The following PHACTR3 variants were observed in gnomAD, a reference collection of about 807,000 sequenced individuals.
The protein encoded by PHACTR3 is phosphatase and actin regulator 3.
In PHACTR3, 16 loss-of-function variants were observed where a neutral mutation model predicts 66.8. The ratio of observed to expected loss-of-function variants is 0.24; its 90% CI spans 0.16 to 0.36. PHACTR3 has a LOEUF of 0.36. Among genes scored for constraint, PHACTR3 ranks in the 10% least tolerant of loss-of-function variants. The probability of loss-of-function intolerance (pLI) is 1.00; values close to 1 mark genes in which losing one functional copy is unlikely to be tolerated. For missense variants in PHACTR3, 647 were observed against 719.9 expected (o/e 0.90, Z 1.16); for synonymous variants, 323 against 292.1 (o/e 1.11, Z -1.08).
chr20:59,771,407 G>C (rs1454697203), intron 5 of PHACTR3, among the ~76,000 whole-genome samples: 1 of 152,122 alleles, frequency 6.6e-6, no homozygotes, highest in African/African-American at 2.4e-5. Flanking sequence ...GGGTCTCCCT[G>C]CAGCCCCTGC....
At chr20:59,756,992 G>A (rs769611886) in intron 4 of PHACTR3, among the ~76,000 whole-genome samples, 4 of 152,160 alleles carry the variant, frequency 2.6e-5, no homozygotes, top group African/African-American at 7.2e-5. Flanking sequence ...CAGAATCTAC[G>A]AAGAATTCAA....
intron 1 of PHACTR3, among the ~76,000 whole-genome samples, chr20:59,731,709 C>A (rs1377901576): frequency 6.6e-6 from 1 of 152,102 alleles, no homozygotes; most frequent in Non-Finnish European, 1.5e-5. Flanking sequence ...GATTTTTCCA[C>A]TGGTGTCAGA....
At chr20:59,704,623 T>G (rs1444426045) in intron 1 of PHACTR3, among the ~76,000 whole-genome samples, 2 of 151,136 alleles carry the variant, frequency 1.3e-5, no homozygotes, top group African/African-American at 2.4e-5. Context: ...GTATTCCCAT[T>G]TTTTACATTA....
chr20:59,686,522 T>G (rs773934697), intron 1 of PHACTR3, among the ~76,000 whole-genome samples: 13 of 152,088 alleles, frequency 8.5e-5, no homozygotes, highest in Admixed American at 3.3e-4. Flanking sequence ...ATGATTGTGA[T>G]GTTGATGGTG....
chr20:59,725,074 G>A (rs1201097922), intron 1 of PHACTR3, among the ~76,000 whole-genome samples: 1 of 151,920 alleles, frequency 6.6e-6, no homozygotes, highest in East Asian at 1.9e-4. Flanking sequence ...GAACCCAGGT[G>A]TGCTGTGTGC....
chr20:59,814,391 C>T (rs965666818), intron 8 of PHACTR3, among the ~76,000 whole-genome samples: 8 of 152,144 alleles, frequency 5.3e-5, no homozygotes, highest in Non-Finnish European at 8.8e-5. Flanking sequence ...GAGAGGGAAT[C>T]CAGGAAGAAG....
intron 2 of PHACTR3, among the ~76,000 whole-genome samples, chr20:59,745,730 G>A (rs2039342551): frequency 6.6e-6 from 1 of 152,338 alleles, no homozygotes; most frequent in Non-Finnish European, 1.5e-5. Flanking sequence ...GGGGCTGCAG[G>A]GTGGACCAGC....
chr20:59,584,110 G>A (rs550588929), intron 1 of PHACTR3, among the ~76,000 whole-genome samples: 6 of 152,240 alleles, frequency 3.9e-5, no homozygotes, highest in East Asian at 1.9e-4. Context: ...ACTGGTGCCC[G>A]TGTGTGCAAC....
chr20:59,764,848 G>T (rs1398774342), intron 4 of PHACTR3, among the ~76,000 whole-genome samples: 1 of 152,066 alleles, frequency 6.6e-6, no homozygotes, highest in Admixed American at 6.5e-5. Context: ...AAAAGGGGTG[G>T]GACCCCCCCA....
chr20:59,644,495 C>T (rs557511013), intron 1 of PHACTR3, among the ~76,000 whole-genome samples: 7 of 152,288 alleles, frequency 4.6e-5, no homozygotes, highest in East Asian at 3.9e-4. Flanking sequence ...CAACAGGGGG[C>T]GGGAGCTGAG....
intron 1 of PHACTR3, among the ~76,000 whole-genome samples, chr20:59,678,098 C>T (rs370243536): frequency 6.6e-6 from 1 of 152,152 alleles, no homozygotes; most frequent in Non-Finnish European, 1.5e-5. Flanking sequence ...TGAGCCGAGC[C>T]CATAGGTAGC....
At chr20:59,712,220 G>C (rs1234077963) in intron 1 of PHACTR3, among the ~76,000 whole-genome samples, 1 of 152,050 alleles carries the variant, frequency 6.6e-6, no homozygotes, top group Admixed American at 6.6e-5. Flanking sequence ...CTTAGTGGGG[G>C]TATGAAAGAT....
intron 1 of PHACTR3, among the ~76,000 whole-genome samples, chr20:59,688,922 T>TTG (rs747668929): frequency 3.3e-5 from 5 of 152,188 alleles, no homozygotes; most frequent in African/African-American, 7.2e-5. Context: ...AACGCTGTGG[T>TTG]TGTTGGGAAC....
At chr20:59,740,345 T>C (rs1471377192) in intron 1 of PHACTR3, among the ~76,000 whole-genome samples, 1 of 152,168 alleles carries the variant, frequency 6.6e-6, no homozygotes, top group Non-Finnish European at 1.5e-5. Flanking sequence ...TCTCTCTCTC[T>C]GTAGCCCAGG....
chr20:59,755,258 G>A lies in PHACTR3; in HGVS notation c.435G>A (p.Glu145=), dbSNP rs1290477675. ...VQSEPPTPKS[E]TLTSEDAQPG... is the part of the protein sequence containing the mutation. ...GTGAACCACCCACTCCCAAGTCGGA[G>A]ACGCTGACTTCAGAAGATGCCCAGC... The change falls in exon 4 of 13, where the codon GAG becomes GAA. Residue 145 remains glutamate, a synonymous_variant. Transcript: ENST00000371015. The A allele has an allele frequency of 6.2e-7, 1 of 1,613,946 alleles. No homozygotes were observed. The highest frequency in any genetic ancestry group is 1.7e-5 in the Admixed American group (1 of 60,032).
intron 1 of PHACTR3, among the ~76,000 whole-genome samples, chr20:59,635,317 C>T (rs1249970716): frequency 6.7e-6 from 1 of 149,334 alleles, no homozygotes; most frequent in Non-Finnish European, 1.5e-5. Context: ...TCACTGCAAC[C>T]TCCACCTCCC....
At chr20:59,678,517 G>A (rs747851389) in intron 1 of PHACTR3, among the ~76,000 whole-genome samples, 7 of 152,082 alleles carry the variant, frequency 4.6e-5, no homozygotes, top group Non-Finnish European at 1.0e-4. Flanking sequence ...CAGTCCTGAG[G>A]TTGATGATCC....
At chr20:59,767,738 A>T (rs2040228187) in intron 5 of PHACTR3, among the ~76,000 whole-genome samples, 1 of 152,200 alleles carries the variant, frequency 6.6e-6, no homozygotes, top group Non-Finnish European at 1.5e-5. Context: ...AGGTGCAGCC[A>T]GTTCCCAGGA....
chr20:59,595,046 A>C (rs2033284637), intron 1 of PHACTR3, among the ~76,000 whole-genome samples: 1 of 152,156 alleles, frequency 6.6e-6, no homozygotes, highest in Admixed American at 6.5e-5. Flanking sequence ...TCTTTGACCT[A>C]TGTGGCACAT....
Sources: allele counts gnomAD v4.1 joint callset (sites outside exome capture counted in the v4.1 genomes callset), GRCh38; gene constraint gnomAD v4.1.1; transcripts MANE v1.5; gene names NCBI Gene and HGNC (gene_info 2026-07-23, HGNC 2026-07-21).